SCN10A: variants seen among roughly 807,000 people sequenced by gnomAD.
SCN10A encodes the protein sodium voltage-gated channel alpha subunit 10.
SCN10A carries 162 observed loss-of-function variants against 170.7 expected under a neutral mutation model. The observed-to-expected ratio is 0.95, with a 90% CI of 0.84 to 1.08. The LOEUF (loss-of-function observed/expected upper bound fraction) is 1.08. Ranked by LOEUF, SCN10A falls within the 50% of genes least tolerant of loss-of-function variation. The pLI is 0.00. For synonymous variants in SCN10A, 985 were observed against 904.6 expected (o/e 1.09, Z -1.59); for missense variants, 2,527 against 2,436.9 (o/e 1.04, Z -0.78).
chr3:38,713,932 G>T (rs1486867127), intron 22 of SCN10A, 26 bp downstream of exon 22: 1 of 1,611,908 alleles, frequency 6.2e-7, no homozygotes, highest in South Asian at 1.1e-5. Flanking sequence ...CTGGCCAGAT[G>T]AGAGAAGTTT....
rs1276131790 is a variant in SCN10A at position 38,772,730 on chromosome 3, CAAAAACAAAA to C, written c.471-1333_471-1324del. ...ACAGCAACAACAACAACAACAAAAA[CAAAAACAAAA>C]AAAAAAAAACCTGTACTAATATTTT... is the stretch of plus-strand genomic sequence containing the variant. On this transcript the variant is annotated intron_variant, in intron 4 of 27. Transcript: ENST00000449082. 7.4e-3 allele frequency among the ~76,000 whole-genome samples: 709 copies of C among 95,766 alleles called. 5 individuals are homozygous for C. The highest frequency in any genetic ancestry group is 0.027 in the African/African-American group (677 of 25,014). 62.8% of individuals were successfully genotyped at this position (95,766 alleles called of 152,430 possible). A position where few individuals can be genotyped will look rare whatever the true frequency, so the allele number is the denominator to read the frequency against.
intron 1 of SCN10A, among the ~76,000 whole-genome samples, chr3:38,794,629 C>A (rs1040412607): frequency 6.6e-6 from 1 of 152,150 alleles, no homozygotes; most frequent in Non-Finnish European, 1.5e-5. Context: ...CCAGATTAGA[C>A]CTGTGGTCCA....
chr3:38,728,402 T>C (rs1235946145), intron 16 of SCN10A, 140 bp downstream of exon 16: 3 of 887,754 alleles, frequency 3.4e-6, no homozygotes, highest in Non-Finnish European at 4.8e-6. Flanking sequence ...GAATCCCACA[T>C]GAATTTGAAA....
intron 15 of SCN10A, among the ~76,000 whole-genome samples, chr3:38,734,817 G>C (rs1474782829): frequency 6.6e-6 from 1 of 152,084 alleles, no homozygotes; most frequent in Non-Finnish European, 1.5e-5. Flanking sequence ...ACAGTGTACT[G>C]GATGTCCTAA....
intron 4 of SCN10A, among the ~76,000 whole-genome samples, chr3:38,772,486 G>A (rs1220530412): frequency 6.6e-6 from 1 of 152,058 alleles, no homozygotes; most frequent in African/African-American, 2.4e-5. Context: ...TCAGGAGATC[G>A]AGACCATCCT....
chr3:38,793,226 T>C (rs1214304868), intron 2 of SCN10A, among the ~76,000 whole-genome samples: 1 of 152,128 alleles, frequency 6.6e-6, no homozygotes, highest in Non-Finnish European at 1.5e-5. Context: ...TGTATGATCA[T>C]AAGAGAAAGT....
chr3:38,717,120 G>A (rs1168070462), intron 21 of SCN10A, among the ~76,000 whole-genome samples: 1 of 152,150 alleles, frequency 6.6e-6, no homozygotes, highest in Non-Finnish European at 1.5e-5. Context: ...TAAGGATGAT[G>A]AATAGATGGA....
chr3:38,707,286 C>T lies in SCN10A; in HGVS notation c.4379G>A (p.Arg1460Gln), dbSNP rs369399424. The T allele has an allele frequency of 4.7e-4, 751 of 1,613,874 alleles. 8 individuals are homozygous for T. In the South Asian group the frequency reaches 7.5e-3, roughly 16 times the overall value. Residue 1460 changes from arginine (R) to glutamine (Q), a missense_variant, in exon 26 of 28, where the codon CGG becomes CAG. Arg to Gln is a conservative substitution (Grantham distance 43, BLOSUM62 1). Coordinates refer to ENST00000449082, the MANE Select transcript of SCN10A (RefSeq NM_006514.4). Reference sequence around the variant, plus strand: ...GAAACCTCTGGGGCTCACCAGGGGCCGTGGGATGGGCTTCTGGGGCTTCTT... The same window carrying T: ...GAAACCTCTGGGGCTCACCAGGGGCTGTGGGATGGGCTTCTGGGGCTTCTT... The part of the protein sequence containing the change: ...GSKKPQKPIP[R>Q]PLNKFQGFVF...
At chr3:38,701,737 G>A (rs113298850) in intron 27 of SCN10A, 102 bp downstream of exon 27, 95 of 1,115,286 alleles carry the variant, frequency 8.5e-5, no homozygotes, top group African/African-American at 1.3e-4. Context: ...ACATAAACAC[G>A]TATTTCAAAA....
chr3:38,768,252 T>C (rs900359689), intron 5 of SCN10A, among the ~76,000 whole-genome samples: 3 of 152,098 alleles, frequency 2.0e-5, no homozygotes, highest in Non-Finnish European at 4.4e-5. Flanking sequence ...AACATCAGTA[T>C]TGAGATGTGA....
rs1305821703 is a variant in SCN10A at position 38,763,526 on chromosome 3, T to C, written c.670A>G (p.Lys224Glu). The part of the protein sequence containing the change: ...LRTFRVLRAL[K>E]TVSVIPGLKV... ...TCACCTGGGATCACAGAAACTGTTT[T>C]TAATGCTCTAAGAACTCTGAATGTC... Residue 224 changes from lysine to glutamate, a missense_variant, in exon 6 of 28, where the codon AAA becomes GAA. Coordinates refer to ENST00000449082, the MANE Select transcript of SCN10A (RefSeq NM_006514.4). 6.2e-7 allele frequency: 1 copy of C among 1,613,900 alleles called. No homozygotes were observed. Among genetic ancestry groups the C allele is most frequent in the Non-Finnish European group, 8.5e-7 (1 of 1,179,882 alleles).
intron 15 of SCN10A, among the ~76,000 whole-genome samples, chr3:38,729,773 G>A (rs373589491): frequency 2.0e-5 from 3 of 152,332 alleles, no homozygotes; most frequent in African/African-American, 7.2e-5. Flanking sequence ...TGTTTATGGA[G>A]CACCTACTAA....
intron 26 of SCN10A, among the ~76,000 whole-genome samples, chr3:38,704,529 G>A (rs1370509836): frequency 3.9e-5 from 6 of 152,156 alleles, no homozygotes; most frequent in Non-Finnish European, 7.3e-5. Flanking sequence ...GCAACCCTTG[G>A]TGCTCTCAGA....
chr3:38,761,426 C>A (rs1288221900), intron 6 of SCN10A, 43 bp from the exon 7 acceptor site: 1 of 1,538,240 alleles, frequency 6.5e-7, no homozygotes, highest in African/African-American at 1.4e-5. Flanking sequence ...GATGAGGTAG[C>A]ACACACGGAG....
intron 15 of SCN10A, among the ~76,000 whole-genome samples, chr3:38,738,225 C>A (rs949766776): frequency 3.3e-5 from 5 of 152,258 alleles, no homozygotes; most frequent in African/African-American, 1.2e-4. Flanking sequence ...AGCCACTGCA[C>A]CTGGCCTGAG....
chr3:38,812,931 G>A (rs1161303932), intron 1 of SCN10A, among the ~76,000 whole-genome samples: 1 of 152,082 alleles, frequency 6.6e-6, no homozygotes, highest in Non-Finnish European at 1.5e-5. Context: ...CTACTCAGGA[G>A]CTGAGGTAGG....
intron 13 of SCN10A, among the ~76,000 whole-genome samples, chr3:38,745,839 C>G (rs999014850): frequency 1.3e-5 from 2 of 151,886 alleles, no homozygotes; most frequent in Non-Finnish European, 2.9e-5. Context: ...TCTTCTAGAT[C>G]TTTTCCTATT....
At chr3:38,760,584 C>A in intron 8 of SCN10A, 97 bp downstream of exon 8, 1 of 940,170 alleles carries the variant, frequency 1.1e-6, no homozygotes, top group Non-Finnish European at 1.7e-6. Context: ...ACATCTTTCC[C>A]AGGACCTGCA....
rs201698323 is a variant in SCN10A at position 38,742,448 on chromosome 3, A to T, written c.1949T>A (p.Met650Lys). The change falls in exon 14 of 28, where the codon ATG becomes AAG. Residue 650 changes from methionine (M) to lysine (K), a missense_variant. Met to Lys is a moderately conservative substitution (Grantham distance 95). Transcript: ENST00000449082. ...GAGAATTGTCTTGAGCTTCACCCACATGGGGCAGCAATCCCAGATCAGATA... is the reference window on the plus strand; with the variant it reads ...GAGAATTGTCTTGAGCTTCACCCACTTGGGGCAGCAATCCCAGATCAGATA... ...QKYLIWDCCPMWVKLKTILFG... is the reference protein window; with the variant it reads ...QKYLIWDCCPKWVKLKTILFG... 499 of 1,614,190 alleles carry T rather than the reference A, an allele frequency of 3.1e-4. 6 individuals carry two copies. The South Asian group carries it at 3.7e-3, about 12-fold the overall frequency.
Sources: gnomAD v4.1 joint callset for allele counts (sites outside exome capture counted in the v4.1 genomes callset) on GRCh38, gnomAD v4.1.1 for gene constraint, MANE v1.5 for transcripts, NCBI Gene and HGNC (gene_info 2026-07-23, HGNC 2026-07-21) for gene names.